Variants in ACACA observed in about 807,000 individuals in gnomAD.
ACACA encodes acetyl-CoA carboxylase alpha.
ACACA carries 103 observed loss-of-function variants against 296.1 expected under a neutral mutation model. The ratio of observed to expected loss-of-function variants is 0.35; its 90% CI spans 0.30 to 0.41. ACACA has a LOEUF of 0.41. ACACA is among the 10% of genes least tolerant of loss of function. The pLI, the probability that ACACA is intolerant of heterozygous loss-of-function variation, is 1.00. For synonymous variants in ACACA, 953 were observed against 1,038.6 expected (o/e 0.92, Z 1.58); for missense variants, 1,554 against 2,989.7 (o/e 0.52, Z 11.20).
intron 45 of ACACA, among the ~76,000 whole-genome samples, chr17:37,148,398 A>G (rs2075903204): frequency 6.6e-6 from 1 of 152,188 alleles, no homozygotes; most frequent in South Asian, 2.1e-4. Context: ...CCTTGATGAG[A>G]AAAGCAAGCC....
At chr17:37,148,463 T>C (rs1261298115) in intron 45 of ACACA, among the ~76,000 whole-genome samples, 1 of 152,200 alleles carries the variant, frequency 6.6e-6, no homozygotes, top group Non-Finnish European at 1.5e-5. Context: ...TCGCATCAAA[T>C]GATTCCTCTA....
chr17:37,265,948 G>A (rs1261441866), intron 10 of ACACA, among the ~76,000 whole-genome samples: 1 of 152,044 alleles, frequency 6.6e-6, no homozygotes, highest in Non-Finnish European at 1.5e-5. Context: ...ACTGTTTCTG[G>A]CCCTTTCAGT....
At chr17:37,156,264 C>T (rs922474705) in intron 42 of ACACA, among the ~76,000 whole-genome samples, 4 of 151,840 alleles carry the variant, frequency 2.6e-5, no homozygotes, top group African/African-American at 9.7e-5. Flanking sequence ...AGGGTTTCAC[C>T]GTGTTAGCCA....
At chr17:37,220,982 A>G (rs1221857531) in intron 29 of ACACA, among the ~76,000 whole-genome samples, 1 of 152,248 alleles carries the variant, frequency 6.6e-6, no homozygotes, top group Non-Finnish European at 1.5e-5. Flanking sequence ...TATTACTAAA[A>G]AGAATGAAAG....
At chr17:37,386,109 G>T (rs767999310) in intron 1 of ACACA, 1 of 1,576,986 alleles carries the variant, frequency 6.3e-7, no homozygotes, top group Admixed American at 1.7e-5. Context: ...AAGAAGGAGA[G>T]AAAACTACAA....
chr17:37,348,964 AC>A (rs2048760924), intron 1 of ACACA, among the ~76,000 whole-genome samples: 2 of 151,830 alleles, frequency 1.3e-5, no homozygotes, highest in South Asian at 2.1e-4. Flanking sequence ...AAAAAAAAAA[AC>A]ACCAATGCAA....
intron 20 of ACACA, 103 bp from the exon 21 acceptor site, chr17:37,244,837 C>T: frequency 6.6e-7 from 1 of 1,511,116 alleles, no homozygotes; most frequent in South Asian, 1.1e-5. Flanking sequence ...GACATCATAC[C>T]CAGCTACCAG....
At chr17:37,126,752 G>A (rs1210821149) in intron 47 of ACACA, among the ~76,000 whole-genome samples, 1 of 152,172 alleles carries the variant, frequency 6.6e-6, no homozygotes, top group African/African-American at 2.4e-5. Context: ...TGTAATTACT[G>A]TGTTCTACAT....
rs909852013 is a variant in ACACA at position 37,149,216 on chromosome 17, T to C, written c.5679+648A>G. ...TTCTTTGGAAGGGAAGATAAATCTT[T>C]ATGCATACTCTTTCCCAGTAACCCA... On this transcript the variant is annotated intron_variant, in intron 45 of 55. Coordinates refer to ENST00000616317, the MANE Select transcript of ACACA (RefSeq NM_198834.3). Among the ~76,000 whole-genome samples the C allele has an allele frequency of 6.6e-5, 10 of 152,186 alleles. No individual in the cohort carries two copies. The East Asian group carries it at 1.9e-3, about 29-fold the overall frequency.
At chr17:37,318,882 C>G (rs903792315) in intron 3 of ACACA, among the ~76,000 whole-genome samples, 1 of 152,034 alleles carries the variant, frequency 6.6e-6, no homozygotes, top group Non-Finnish European at 1.5e-5. Flanking sequence ...CTTTCCTAGT[C>G]AAACACAAAC....
chr17:37,233,473 T>C (rs1407067161), intron 25 of ACACA, among the ~76,000 whole-genome samples: 1 of 152,242 alleles, frequency 6.6e-6, no homozygotes, highest in Non-Finnish European at 1.5e-5. Context: ...CCAAGGATTC[T>C]AGGCTTTGGT....
intron 38 of ACACA, 50 bp downstream of exon 38, chr17:37,191,070 T>G: frequency 6.2e-7 from 1 of 1,602,056 alleles, no homozygotes; most frequent in Non-Finnish European, 8.6e-7. Flanking sequence ...TGAATGAACT[T>G]CTGTGCTTAT....
intron 41 of ACACA, among the ~76,000 whole-genome samples, chr17:37,163,448 C>G (rs1400159750): frequency 6.6e-6 from 1 of 152,088 alleles, no homozygotes; most frequent in East Asian, 1.9e-4. Context: ...TCAGGTATTC[C>G]TTTATAGCAA....
At position 37,324,023 on chromosome 17, in the gene ACACA, G is replaced by T. The variant is rs554526675; in HGVS notation, c.338+6150C>A. On this transcript the variant is annotated intron_variant, in intron 3 of 55. Coordinates refer to ENST00000616317, the MANE Select transcript of ACACA (RefSeq NM_198834.3). ...AGGCGGGTGGATCACCTGAGGTCAG[G>T]GGTTCAAGACCAGCCTGGCCAACAT... Among the ~76,000 whole-genome samples, 17 of 152,250 alleles carry T rather than the reference G, an allele frequency of 1.1e-4. No individual in the cohort carries two copies. In the East Asian group the frequency reaches 3.1e-3, roughly 28 times the overall value.
chr17:37,312,543 A>G (rs1014376376), intron 3 of ACACA, among the ~76,000 whole-genome samples: 1 of 152,264 alleles, frequency 6.6e-6, no homozygotes, highest in South Asian at 2.1e-4. Flanking sequence ...TAAATGCTCA[A>G]TAAATGGCAG....
intron 9 of ACACA, among the ~76,000 whole-genome samples, chr17:37,271,458 T>G (rs574566212): frequency 1.3e-5 from 2 of 152,074 alleles, no homozygotes; most frequent in African/African-American, 4.8e-5. Context: ...GAGGTTGCAG[T>G]GAGCCAAGAT....
chr17:37,109,432 C>T (rs926604970), intron 52 of ACACA, among the ~76,000 whole-genome samples: 2 of 152,158 alleles, frequency 1.3e-5, no homozygotes, highest in African/African-American at 4.8e-5. Flanking sequence ...AACTGATGTT[C>T]GGAGAAGTTA....
chr17:37,171,761 G>A (rs1376038223), intron 41 of ACACA, among the ~76,000 whole-genome samples: 1 of 152,126 alleles, frequency 6.6e-6, no homozygotes, highest in Non-Finnish European at 1.5e-5. Flanking sequence ...ATTTTGAACA[G>A]GGAAATTATT....
chr17:37,370,232 C>T lies in ACACA; in HGVS notation c.39-30382G>A, dbSNP rs189347498. ...TGTTGGCCAGGCTGATCTTGAACTC[C>T]TGAGCTCAGGTGATCCACCTGCCTC... On this transcript the variant is annotated intron_variant, in intron 1 of 55. Coordinates refer to ENST00000616317, the MANE Select transcript of ACACA (RefSeq NM_198834.3). Among the ~76,000 whole-genome samples, 627 of 151,992 alleles carry T rather than the reference C, an allele frequency of 4.1e-3. 3 individuals carry two copies. The highest frequency in any genetic ancestry group is 0.033 in the South Asian group (159 of 4,822).
Sources: gnomAD v4.1 joint callset for allele counts (sites outside exome capture counted in the v4.1 genomes callset) on GRCh38, gnomAD v4.1.1 for gene constraint, MANE v1.5 for transcripts, NCBI Gene and HGNC (gene_info 2026-07-23, HGNC 2026-07-21) for gene names.